Variants in MCM9 observed in about 807,000 individuals in gnomAD.
MCM9 encodes the protein DNA helicase MCM9.
A neutral mutation model predicts 72.8 loss-of-function variants in MCM9; 55 were observed. The ratio of observed to expected loss-of-function variants is 0.76; its 90% CI spans 0.61 to 0.95. MCM9 has a LOEUF of 0.95. MCM9 is among the 40% of genes least tolerant of loss of function. The pLI is 0.00. For missense variants in MCM9, 1,279 were observed against 1,377.0 expected, an observed-to-expected ratio of 0.93 and a Z score of 1.13; for synonymous variants, 480 against 503.4, an observed-to-expected ratio of 0.95 and a Z score of 0.62.
chr6:118,853,421 G>A (rs1374269245), intron 9 of MCM9, among the ~76,000 whole-genome samples: 5 of 151,838 alleles, frequency 3.3e-5, no homozygotes, highest in East Asian at 1.9e-4. Flanking sequence ...CCAGCCTGCC[G>A]ATTTCTACAA....
intron 6 of MCM9, 37 bp downstream of exon 6, chr6:118,917,524 C>T: frequency 6.4e-7 from 1 of 1,573,136 alleles, no homozygotes; most frequent in Non-Finnish European, 8.7e-7. Flanking sequence ...AATGTAATAC[C>T]ATTAATAATA....
intron 8 of MCM9, chr6:118,894,437 T>C: frequency 6.5e-7 from 1 of 1,537,024 alleles, no homozygotes; most frequent in Non-Finnish European, 8.7e-7. Context: ...AGGTGAACAA[T>C]GTAGTGGTGC....
intron 13 of MCM9, among the ~76,000 whole-genome samples, chr6:118,817,110 C>G (rs1173571524): frequency 2.6e-5 from 4 of 151,770 alleles, no homozygotes; most frequent in Non-Finnish European, 5.9e-5. Context: ...TGAAATATTG[C>G]CAGAAGGACA....
At chr6:118,885,955 T>G (rs1778570767) in intron 8 of MCM9, among the ~76,000 whole-genome samples, 1 of 151,986 alleles carries the variant, frequency 6.6e-6, no homozygotes, top group South Asian at 2.1e-4. Flanking sequence ...TAGAAAGGAT[T>G]ATACACCATG....
At chr6:118,829,014 T>C (rs1245936893) in intron 10 of MCM9, 34 bp downstream of exon 10, 6 of 1,537,780 alleles carry the variant, frequency 3.9e-6, no homozygotes, top group Non-Finnish European at 5.3e-6. Flanking sequence ...CTAATCTCTC[T>C]GTTATTTTGA....
At chr6:118,883,069 C>CAA (rs36162403) in intron 8 of MCM9, among the ~76,000 whole-genome samples, 1,603 of 46,092 alleles carry the variant, frequency 0.035, 35 homozygotes, top group Non-Finnish European at 0.043. Context: ...CTCAAAGATG[C>CAA]AAAAAAAAAA....
intron 8 of MCM9, among the ~76,000 whole-genome samples, chr6:118,899,629 T>C (rs75262924): frequency 3.5e-4 from 54 of 152,324 alleles, no homozygotes; most frequent in African/African-American, 8.9e-4. Flanking sequence ...CAGAAAATGA[T>C]TGCTGACTTA....
In MCM9 at chr6:118,924,146, A is replaced by G. The variant is rs1411943866; in HGVS notation, c.305-19T>C. ...GGCAAACCTGATGGAGAAAACAAAA[A>G]AACAGCATCAACTTCAATCTTGAGA... is the stretch of plus-strand genomic sequence containing the variant. On this transcript the variant is annotated intron_variant, in intron 3 of 13. Transcript: ENST00000619706. 1 of 1,598,540 alleles carries G rather than the reference A, an allele frequency of 6.3e-7. No individual in the cohort carries two copies. The highest frequency in any genetic ancestry group is 8.5e-7 in the Non-Finnish European group (1 of 1,170,164).
chr6:118,889,678 CAG>C (rs1172159660), intron 8 of MCM9, among the ~76,000 whole-genome samples: 1 of 152,122 alleles, frequency 6.6e-6, no homozygotes, highest in Non-Finnish European at 1.5e-5. Context: ...GTATAAGAAA[CAG>C]AAAATAATTA....
At chr6:118,890,153 C>T (rs1248108639) in intron 8 of MCM9, among the ~76,000 whole-genome samples, 1 of 152,158 alleles carries the variant, frequency 6.6e-6, no homozygotes, top group East Asian at 1.9e-4. Flanking sequence ...CTGGACCAAC[C>T]TCATTAATGG....
intron 8 of MCM9, among the ~76,000 whole-genome samples, chr6:118,871,141 A>G (rs1438980353): frequency 6.6e-6 from 1 of 152,188 alleles, no homozygotes; most frequent in Non-Finnish European, 1.5e-5. Context: ...AAAAGACACT[A>G]CAAAAAAAAT....
chr6:118,875,906 T>A (rs1777905933), intron 8 of MCM9, among the ~76,000 whole-genome samples: 1 of 152,182 alleles, frequency 6.6e-6, no homozygotes, highest in Non-Finnish European at 1.5e-5. Context: ...ACTGGAAAGT[T>A]ATATGCACAT....
chr6:118,828,277 T>G, intron 10 of MCM9, 147 bp from the exon 11 acceptor site: 2 of 644,790 alleles, frequency 3.1e-6, no homozygotes, highest in Non-Finnish European at 5.4e-6. Context: ...CTGCATAGCA[T>G]ACAATCAGCA....
intron 9 of MCM9, among the ~76,000 whole-genome samples, chr6:118,853,938 G>T (rs1776393135): frequency 6.6e-6 from 1 of 152,004 alleles, no homozygotes; most frequent in Non-Finnish European, 1.5e-5. Context: ...TTAATGTTTT[G>T]CAGTTTTTAA....
At chr6:118,911,594 C>A in intron 8 of MCM9, 56 bp downstream of exon 8, 2 of 1,531,918 alleles carry the variant, frequency 1.3e-6, no homozygotes, top group Non-Finnish European at 1.8e-6. Flanking sequence ...TAGAAAAAAC[C>A]ATTGTGTTAA....
chr6:118,907,179 T>G (rs75066481), intron 8 of MCM9, among the ~76,000 whole-genome samples: 2 of 152,296 alleles, frequency 1.3e-5, no homozygotes, highest in East Asian at 3.9e-4. Flanking sequence ...CCCCTCAGAT[T>G]CTCCGTATCT....
chr6:118,899,427 G>A (rs1473639335), intron 8 of MCM9, among the ~76,000 whole-genome samples: 1 of 152,010 alleles, frequency 6.6e-6, no homozygotes, highest in Non-Finnish European at 1.5e-5. Context: ...CTTGCCAAGT[G>A]TGCCCTACCC....
chr6:118,844,545 C>CAA lies in MCM9; in HGVS notation c.1325+11824_1325+11825dup, dbSNP rs559790707. ...ATGTCAAAAGCAAAGTTAAAAAATACAAAAAAAAAAAATTAAAAGGACAAC... is the reference window on the plus strand; with the variant it reads ...ATGTCAAAAGCAAAGTTAAAAAATACAAAAAAAAAAAAAATTAAAAGGACAAC... On this transcript the variant is annotated intron_variant, in intron 9 of 13. Coordinates refer to ENST00000619706, the MANE Select transcript of MCM9 (RefSeq NM_017696.3). Among the ~76,000 whole-genome samples, 3 of 133,940 alleles carry CAA rather than the reference C, an allele frequency of 2.2e-5. No individual in the cohort carries two copies. The East Asian group carries it at 6.4e-4, about 28-fold the overall frequency. The allele number at this position is 133,940 out of a possible 152,430, so 87.9% of individuals were successfully genotyped here. A position where few individuals can be genotyped will look rare whatever the true frequency, so the allele number is the denominator to read the frequency against.
intron 8 of MCM9, among the ~76,000 whole-genome samples, chr6:118,881,947 T>G (rs1436749008): frequency 6.6e-6 from 1 of 152,242 alleles, no homozygotes; most frequent in Non-Finnish European, 1.5e-5. Context: ...GAGCTCCCTA[T>G]GAGCTCTTAA....
Sources: gnomAD v4.1 joint callset for allele counts (sites outside exome capture counted in the v4.1 genomes callset) on GRCh38, gnomAD v4.1.1 for gene constraint, MANE v1.5 for transcripts, NCBI Gene and HGNC (gene_info 2026-07-23, HGNC 2026-07-21) for gene names.